The following DPP8 variants were observed in gnomAD, a reference collection of about 807,000 sequenced individuals.
The protein encoded by DPP8 is DPP VIII.
In DPP8, 31 loss-of-function variants were observed where a neutral mutation model predicts 107.5. The observed-to-expected ratio is 0.29, with a 90% CI of 0.22 to 0.39. The LOEUF (loss-of-function observed/expected upper bound fraction) is 0.39, where lower values mean the gene tolerates loss of function less well. Ranked by LOEUF, DPP8 falls within the 10% of genes least tolerant of loss-of-function variation. The pLI is 1.00. For missense variants in DPP8, 842 were observed against 1,076.1 expected (o/e 0.78, Z 3.04); for synonymous variants, 381 against 356.6 (o/e 1.07, Z -0.77).
chr15:65,476,892 C>A (rs1376783627), intron 11 of DPP8, among the ~76,000 whole-genome samples: 1 of 152,018 alleles, frequency 6.6e-6, no homozygotes, highest in Non-Finnish European at 1.5e-5. Context: ...ACATGCACTA[C>A]AAAATGGATG....
At chr15:65,496,235 G>A (rs913759933) in intron 5 of DPP8, among the ~76,000 whole-genome samples, 5 of 152,110 alleles carry the variant, frequency 3.3e-5, no homozygotes, top group Admixed American at 6.5e-5. Flanking sequence ...TGCCCGCCTC[G>A]GCCTTCCAAA....
chr15:65,510,092 T>G (rs901519890), intron 2 of DPP8, among the ~76,000 whole-genome samples: 6 of 152,028 alleles, frequency 3.9e-5, no homozygotes, highest in Non-Finnish European at 7.4e-5. Context: ...GGCAGGCAGA[T>G]TGCTGGAGCT....
chr15:65,450,858 C>T (rs948350232), intron 19 of DPP8, 141 bp downstream of exon 19: 6 of 581,768 alleles, frequency 1.0e-5, no homozygotes, highest in African/African-American at 1.9e-5. Context: ...ACAGGCACTA[C>T]TAAATATGCC....
Position 65,444,586 on chromosome 15 carries a change from T to C in DPP8, c.*2298A>G, listed in dbSNP as rs1040355272. 6.6e-6 allele frequency: 1 copy of C among 152,202 alleles called. No homozygotes were observed. Among genetic ancestry groups the C allele is most frequent in the Non-Finnish European group, 1.5e-5 (1 of 68,048 alleles). The allele number at this position is 152,202 out of a possible 1,614,324, so 9.4% of individuals were successfully genotyped here. On this transcript the variant is annotated 3_prime_UTR_variant, in exon 20 of 20. Transcript: ENST00000300141. ...AACTGTCTTTCTGTAAGAGAATTCA[T>C]TCAGGTATTTTTTCCTGCTAAAGAA... is the stretch of plus-strand genomic sequence containing the variant.
At chr15:65,465,331 C>T (rs775682482) in intron 14 of DPP8, among the ~76,000 whole-genome samples, 3 of 151,220 alleles carry the variant, frequency 2.0e-5, no homozygotes, top group Non-Finnish European at 4.4e-5. Flanking sequence ...CCACGTCTGG[C>T]TAGTTTTTGT....
At chr15:65,473,536 G>A (rs1423080542) in intron 12 of DPP8, among the ~76,000 whole-genome samples, 1 of 151,962 alleles carries the variant, frequency 6.6e-6, no homozygotes, top group Non-Finnish European at 1.5e-5. Flanking sequence ...TGTCGTGGTG[G>A]CGTACACCTG....
At position 65,485,283 on chromosome 15, in the gene DPP8, C is replaced by T. The variant is rs991836430; in HGVS notation, c.956-123G>A. ...TATAGGTCGGGTGCAGTGGCTCACG[C>T]CTGTAATCCCAGCACTTTGGCAGGT... On this transcript the variant is annotated intron_variant, in intron 7 of 19. Coordinates refer to ENST00000300141, the MANE Select transcript of DPP8 (RefSeq NM_130434.5). 27 of 681,494 alleles carry T rather than the reference C, an allele frequency of 4.0e-5. 2 individuals carry two copies. The highest frequency in any genetic ancestry group is 6.3e-5 in the Non-Finnish European group (25 of 393,960). The allele number at this position is 681,494 out of a possible 1,614,324, so 42.2% of individuals were successfully genotyped here.
intron 8 of DPP8, among the ~76,000 whole-genome samples, chr15:65,483,586 C>CAAAAA (rs2067129320): frequency 7.1e-6 from 1 of 140,710 alleles, no homozygotes; most frequent in African/African-American, 2.7e-5. Context: ...TTTCTTCAAA[C>CAAAAA]AATAAAATAA....
In DPP8 at chr15:65,516,130, A is replaced by C. The variant is rs1236324808; in HGVS notation, c.-12+1356T>G. ...CAGTGACTATTGCAAATCATCAAAA[A>C]CGGCATATGATTAATAAAATTTATT... On this transcript the variant is annotated intron_variant, in intron 1 of 19. Transcript: ENST00000300141. The C allele has an allele frequency of 2.9e-5, 7 of 240,248 alleles. No homozygotes were observed. The East Asian group carries it at 4.9e-4, about 17-fold the overall frequency. The allele number at this position is 240,248 out of a possible 1,614,324, so 14.9% of individuals were successfully genotyped here. A position where few individuals can be genotyped will look rare whatever the true frequency, so the allele number is the denominator to read the frequency against.
At chr15:65,509,469 C>A (rs2070479836) in intron 2 of DPP8, among the ~76,000 whole-genome samples, 1 of 152,122 alleles carries the variant, frequency 6.6e-6, no homozygotes, top group Non-Finnish European at 1.5e-5. Context: ...CACAAATGGG[C>A]TTTTCTCATT....
intron 2 of DPP8, 183 bp downstream of exon 2, chr15:65,512,112 C>T: frequency 2.7e-6 from 2 of 732,694 alleles, no homozygotes; most frequent in South Asian, 1.5e-5. Flanking sequence ...TTGTTACCTA[C>T]AAGTAAAAAT....
chr15:65,515,424 G>A (rs2141154290), intron 1 of DPP8, among the ~76,000 whole-genome samples: 1 of 152,236 alleles, frequency 6.6e-6, no homozygotes, highest in Non-Finnish European at 1.5e-5. Context: ...CACAGCAAAT[G>A]TCCATCCTGC....
At chr15:65,479,208 T>G (rs1443482870) in intron 10 of DPP8, among the ~76,000 whole-genome samples, 169 bp from the exon 11 acceptor site, 1 of 152,226 alleles carries the variant, frequency 6.6e-6, no homozygotes, top group African/African-American at 2.4e-5. Flanking sequence ...CTTTCAGATT[T>G]ATTTTACTTT....
intron 3 of DPP8, among the ~76,000 whole-genome samples, chr15:65,504,600 C>T (rs184648413): frequency 1.5e-3 from 207 of 133,552 alleles, no homozygotes; most frequent in African/African-American, 5.8e-3. Flanking sequence ...ACCTGGGAGG[C>T]GGAGGTTGCA....
intron 9 of DPP8, among the ~76,000 whole-genome samples, chr15:65,480,857 G>A (rs1047493518): frequency 2.0e-5 from 3 of 152,180 alleles, no homozygotes; most frequent in African/African-American, 7.2e-5. Flanking sequence ...AGCACGTTGG[G>A]AGGCCGAGAC....
intron 5 of DPP8, 32 bp downstream of exon 5, chr15:65,497,832 C>A: frequency 7.1e-7 from 1 of 1,409,718 alleles, no homozygotes; most frequent in African/African-American, 1.4e-5. Context: ...AAATACTGTT[C>A]AGAAAAGTAA....
intron 4 of DPP8, among the ~76,000 whole-genome samples, chr15:65,499,239 TTTTC>T (rs2068942212): frequency 6.6e-6 from 1 of 151,926 alleles, no homozygotes; most frequent in South Asian, 2.1e-4. Context: ...TCCTTTTTTT[TTTTC>T]TCTCTCTCTT....
chr15:65,500,705 T>A lies in DPP8; in HGVS notation c.447A>T (p.Gly149=). The change falls in exon 4 of 20, where the codon GGA becomes GGT. Residue 149 remains glycine (G), a synonymous_variant. Transcript: ENST00000300141. ...LRERKRIGTV[G]IASYDYHQGS... is the part of the protein sequence containing the mutation. The stretch of plus-strand genomic sequence containing the variant: ...CTTGGTGATAATCGTAAGAAGCAAT[T>A]CCGACTGTTCCAATGCGTTTTCTTT... 6.2e-7 allele frequency: 1 copy of A among 1,613,872 alleles called. No individual in the cohort carries two copies. Among genetic ancestry groups the A allele is most frequent in the Non-Finnish European group, 8.5e-7 (1 of 1,179,782 alleles).
At chr15:65,457,607 C>T (rs1345063089) in intron 15 of DPP8, among the ~76,000 whole-genome samples, 1 of 152,038 alleles carries the variant, frequency 6.6e-6, no homozygotes, top group Non-Finnish European at 1.5e-5. Flanking sequence ...CCTTTATGGT[C>T]CATGAAGTGG....
Sources: allele counts gnomAD v4.1 joint callset (sites outside exome capture counted in the v4.1 genomes callset), GRCh38; gene constraint gnomAD v4.1.1; transcripts MANE v1.5; gene names NCBI Gene and HGNC (gene_info 2026-07-23, HGNC 2026-07-21).